The following SH3KBP1 variants were observed in gnomAD, a reference collection of about 807,000 sequenced individuals.
SH3KBP1 encodes SH3 domain-containing kinase-binding protein 1.
SH3KBP1 carries 8 observed loss-of-function variants against 50.1 expected under a neutral mutation model. That is an observed-to-expected ratio of 0.16 (90% confidence interval 0.09 to 0.29). SH3KBP1 has a LOEUF of 0.29. Ranked by LOEUF, SH3KBP1 falls within the 10% of genes least tolerant of loss-of-function variation. SH3KBP1 has a pLI of 1.00. For missense variants in SH3KBP1, 377 were observed against 535.2 expected (o/e 0.70, Z 2.92); for synonymous variants, 227 against 218.6 (o/e 1.04, Z -0.34).
chrX:19,568,499 G>T (rs993171990), intron 13 of SH3KBP1, among the ~76,000 whole-genome samples: 12 of 112,000 alleles, frequency 1.1e-4, no homozygotes, highest in African/African-American at 3.9e-4. Flanking sequence ...CTTCTTAAAA[G>T]GGTTGTCACC....
At chrX:19,732,216 C>T (rs904674969) in intron 3 of SH3KBP1, among the ~76,000 whole-genome samples, 3 of 111,194 alleles carry the variant, frequency 2.7e-5, no homozygotes, top group East Asian at 2.8e-4. Context: ...GCTTATCCAT[C>T]GCCTCAAATA....
At position 19,823,611 on chromosome X, in the gene SH3KBP1, G is replaced by GTC. The variant is rs2067590894; in HGVS notation, c.162+12513_162+12514insGA. 2.7e-5 allele frequency among the ~76,000 whole-genome samples: 3 copies of GTC among 111,859 alleles called. No individual in the cohort carries two copies. The Admixed American group carries it at 2.9e-4, about 11-fold the overall frequency. On this transcript the variant is annotated intron_variant, in intron 2 of 17. Transcript: ENST00000397821. ...TAAGGACTCATGTTAGGCCCACCTG[G>GTC]ATCACCTCCCTGTTTAAAGATCAAT...
chrX:19,657,832 A>G (rs2062328624), intron 6 of SH3KBP1, among the ~76,000 whole-genome samples: 1 of 106,746 alleles, frequency 9.4e-6, no homozygotes, highest in Admixed American at 1.0e-4. Flanking sequence ...AAAGACAAAT[A>G]CTGTATGATT....
intron 2 of SH3KBP1, among the ~76,000 whole-genome samples, chrX:19,787,518 A>C (rs2066384520): frequency 8.9e-6 from 1 of 111,773 alleles, no homozygotes; most frequent in Non-Finnish European, 1.9e-5. Context: ...CAAATTCAAC[A>C]AATTGAATCC....
At chrX:19,562,541 T>C (rs1022522610) in intron 13 of SH3KBP1, among the ~76,000 whole-genome samples, 1 of 111,428 alleles carries the variant, frequency 9.0e-6, no homozygotes, top group South Asian at 3.8e-4. Flanking sequence ...AGATTTGCAT[T>C]CTTAAATCTG....
intron 1 of SH3KBP1, among the ~76,000 whole-genome samples, chrX:19,880,119 T>C (rs1047149347): frequency 6.3e-4 from 71 of 113,006 alleles, no homozygotes; most frequent in African/African-American, 2.2e-3. Context: ...TCAGAACCAC[T>C]GCCAGAGAGA....
chrX:19,720,179 A>T (rs1208070833), intron 3 of SH3KBP1, among the ~76,000 whole-genome samples: 1 of 111,028 alleles, frequency 9.0e-6, no homozygotes, highest in Non-Finnish European at 1.9e-5. Flanking sequence ...ACATAAAATC[A>T]GTGACGTCTC....
At chrX:19,599,125 G>A (rs1809015885) in intron 9 of SH3KBP1, among the ~76,000 whole-genome samples, 1 of 111,200 alleles carries the variant, frequency 9.0e-6, no homozygotes, top group African/African-American at 3.3e-5. Flanking sequence ...CCTACCCCTG[G>A]ACATCTTCCT....
At chrX:19,576,433 C>CACTT (rs2066201345) in intron 12 of SH3KBP1, among the ~76,000 whole-genome samples, 1 of 110,544 alleles carries the variant, frequency 9.0e-6, no homozygotes, top group Admixed American at 9.6e-5. Flanking sequence ...CTAGAATAAG[C>CACTT]ACTTAAAAAA....
At chrX:19,542,338 C>A (rs1166856227) in intron 15 of SH3KBP1, 145 bp from the exon 16 acceptor site, 7 of 568,410 alleles carry the variant, frequency 1.2e-5, no homozygotes, top group Non-Finnish European at 1.8e-5. Context: ...CCACAAGCCA[C>A]CAAGGGCCTG....
intron 2 of SH3KBP1, among the ~76,000 whole-genome samples, chrX:19,780,759 T>A (rs1166814361): frequency 1.8e-5 from 2 of 109,688 alleles, no homozygotes; most frequent in Non-Finnish European, 3.8e-5. Context: ...GTTGTAGACA[T>A]GCGGCGTTAT....
intron 13 of SH3KBP1, among the ~76,000 whole-genome samples, chrX:19,568,328 G>C (rs914708901): frequency 8.9e-6 from 1 of 112,131 alleles, no homozygotes; most frequent in South Asian, 3.7e-4. Context: ...CTTGCACATG[G>C]TTGCAAGTTT....
At chrX:19,872,833 T>TCTCTCTCTCA (rs1211110008) in intron 1 of SH3KBP1, among the ~76,000 whole-genome samples, 1 of 96,498 alleles carries the variant, frequency 1.0e-5, no homozygotes, top group Admixed American at 1.1e-4. Flanking sequence ...TCTCTCTCTC[T>TCTCTCTCTCA]CACACACACA....
chrX:19,714,783 G>C (rs1226751249), intron 3 of SH3KBP1, among the ~76,000 whole-genome samples: 2 of 111,978 alleles, frequency 1.8e-5, no homozygotes, highest in Admixed American at 9.5e-5. Context: ...TTTTTAAAAG[G>C]CTATAAAAAC....
At chrX:19,838,906 A>G (rs1367138281) in intron 1 of SH3KBP1, among the ~76,000 whole-genome samples, 1 of 106,060 alleles carries the variant, frequency 9.4e-6, no homozygotes, top group Admixed American at 1.0e-4. Flanking sequence ...AAAAAAAAAA[A>G]GAAAAAAAGA....
intron 6 of SH3KBP1, chrX:19,664,813 G>C (rs949213435): frequency 8.9e-6 from 1 of 112,103 alleles, no homozygotes; most frequent in African/African-American, 3.2e-5. Flanking sequence ...AGTATTGTAT[G>C]TCTACTTTCT....
At chrX:19,727,986 A>G (rs1395445568) in intron 3 of SH3KBP1, among the ~76,000 whole-genome samples, 1 of 112,026 alleles carries the variant, frequency 8.9e-6, no homozygotes, top group Non-Finnish European at 1.9e-5. Context: ...ATAAAAAAGT[A>G]TCACTTAGCT....
chrX:19,806,754 TGATA>T (rs1282656731), intron 2 of SH3KBP1, among the ~76,000 whole-genome samples: 1 of 112,098 alleles, frequency 8.9e-6, no homozygotes, highest in Non-Finnish European at 1.9e-5. Context: ...AATGAACAAG[TGATA>T]GATAGTTCAA....
At chrX:19,631,986 T>G in intron 7 of SH3KBP1, 28 bp from the exon 8 acceptor site, 1 of 961,934 alleles carries the variant, frequency 1.0e-6, no homozygotes, top group Non-Finnish European at 1.5e-6. Context: ...AACATAACCT[T>G]TAAAATGCTT....
Sources: allele counts gnomAD v4.1 joint callset (sites outside exome capture counted in the v4.1 genomes callset), GRCh38; gene constraint gnomAD v4.1.1; transcripts MANE v1.5; gene names NCBI Gene and HGNC (gene_info 2026-07-23, HGNC 2026-07-21).